Variants in ADK observed in about 807,000 individuals in gnomAD.
The protein encoded by ADK is N6,N6-dimethyladenosine kinase.
ADK carries 24 observed loss-of-function variants against 44.7 expected under a neutral mutation model. The observed-to-expected ratio is 0.54, with a 90% confidence interval of 0.39 to 0.76. The LOEUF (loss-of-function observed/expected upper bound fraction) is 0.76, where lower values mean the gene tolerates loss of function less well. Among genes scored for constraint, ADK ranks in the 30% least tolerant of loss-of-function variants. ADK has a pLI of 0.00. For synonymous variants in ADK, 128 were observed against 142.6 expected, an observed-to-expected ratio of 0.90 and a Z score of 0.73; for missense variants, 321 against 425.1, an observed-to-expected ratio of 0.76 and a Z score of 2.15.
chr10:74,701,160 G>T (rs1230797847), intron 10 of ADK, among the ~76,000 whole-genome samples: 1 of 152,154 alleles, frequency 6.6e-6, no homozygotes, highest in Non-Finnish European at 1.5e-5. Context: ...TGGGAGCTAG[G>T]TTCTCACTAT....
intron 9 of ADK, among the ~76,000 whole-genome samples, chr10:74,638,332 A>T (rs1354450463): frequency 6.6e-6 from 1 of 152,158 alleles, no homozygotes; most frequent in Admixed American, 6.5e-5. Context: ...AAAGATCAAT[A>T]TCTTACATGC....
At chr10:74,449,746 A>G (rs978236208) in intron 6 of ADK, among the ~76,000 whole-genome samples, 11 of 152,184 alleles carry the variant, frequency 7.2e-5, no homozygotes, top group African/African-American at 2.4e-4. Context: ...AGGCAGGAGT[A>G]TGTGTGGTGA....
chr10:74,508,695 C>G (rs888168095), intron 6 of ADK, among the ~76,000 whole-genome samples: 7 of 152,118 alleles, frequency 4.6e-5, no homozygotes, highest in Non-Finnish European at 1.5e-5. Context: ...TTATCTTCAT[C>G]TGACTTAGGC....
chr10:74,189,067 T>G (rs1333441917), intron 1 of ADK, among the ~76,000 whole-genome samples: 1 of 152,154 alleles, frequency 6.6e-6, no homozygotes, highest in Non-Finnish European at 1.5e-5. Flanking sequence ...TCTTTCATTA[T>G]TATTATTTTT....
chr10:74,680,853 A>G (rs1855579474), intron 10 of ADK, among the ~76,000 whole-genome samples: 1 of 152,182 alleles, frequency 6.6e-6, no homozygotes, highest in African/African-American at 2.4e-5. Context: ...CTTTTAATTT[A>G]TTTTTCATTT....
intron 2 of ADK, among the ~76,000 whole-genome samples, chr10:74,203,739 T>A (rs139544471): frequency 1.3e-5 from 2 of 148,590 alleles, no homozygotes; most frequent in African/African-American, 5.0e-5. Flanking sequence ...GTGTCAGTCC[T>A]CCAACTTTGT....
At chr10:74,271,180 G>T (rs1846415793) in intron 3 of ADK, among the ~76,000 whole-genome samples, 1 of 152,038 alleles carries the variant, frequency 6.6e-6, no homozygotes, top group Non-Finnish European at 1.5e-5. Flanking sequence ...TTAGTATCAA[G>T]TTGTGGGGGT....
chr10:74,253,241 C>T (rs564677439), intron 3 of ADK, among the ~76,000 whole-genome samples: 16 of 152,354 alleles, frequency 1.1e-4, no homozygotes, highest in Middle Eastern at 3.4e-3. Flanking sequence ...AGGGCTACCC[C>T]GTAGGCAGAG....
At chr10:74,471,295 C>T (rs1177926362) in intron 6 of ADK, among the ~76,000 whole-genome samples, 1 of 151,944 alleles carries the variant, frequency 6.6e-6, no homozygotes, top group Non-Finnish European at 1.5e-5. Flanking sequence ...AGGATGGTCT[C>T]GATCTCCTGA....
chr10:74,201,780 C>T (rs1407567863), intron 2 of ADK, among the ~76,000 whole-genome samples: 1 of 151,816 alleles, frequency 6.6e-6, no homozygotes. Flanking sequence ...GGTCATCTTA[C>T]AATGCATCTA....
rs1181747861 is a variant in ADK at position 74,275,692 on chromosome 10, T to C, written c.195-38975T>C. ...TTTCTTCTTTGAGACAGAGTCTCAC[T>C]CTGTCACCCAGGCTGGAGTGCAGTG... On this transcript the variant is annotated intron_variant, in intron 3 of 10. Coordinates refer to ENST00000539909, the MANE Select transcript of ADK (RefSeq NM_006721.4). 2.0e-5 allele frequency among the ~76,000 whole-genome samples: 3 copies of C among 152,296 alleles called. No homozygotes were observed. In the East Asian group the frequency reaches 5.8e-4, roughly 29 times the overall value.
At chr10:74,353,643 T>C (rs1592089400) in intron 4 of ADK, among the ~76,000 whole-genome samples, 1 of 147,480 alleles carries the variant, frequency 6.8e-6, no homozygotes, top group South Asian at 2.2e-4. Context: ...CTGAGGCAGG[T>C]GGATCACAAG....
chr10:74,549,377 C>G (rs1157256381), intron 7 of ADK, among the ~76,000 whole-genome samples: 1 of 152,096 alleles, frequency 6.6e-6, no homozygotes, highest in East Asian at 1.9e-4. Flanking sequence ...ACTTATACAT[C>G]TTTTAAAATC....
chr10:74,574,229 C>T (rs1019904396), intron 7 of ADK, among the ~76,000 whole-genome samples: 11 of 147,898 alleles, frequency 7.4e-5, no homozygotes, highest in African/African-American at 2.5e-4. Flanking sequence ...TACAGTGGTG[C>T]GATCTCAGCT....
chr10:74,156,041 G>A (rs1486457752), intron 1 of ADK, among the ~76,000 whole-genome samples: 1 of 152,174 alleles, frequency 6.6e-6, no homozygotes, highest in East Asian at 1.9e-4. Flanking sequence ...TAGTATGAAT[G>A]CCTTAATAAG....
chr10:74,260,413 G>C (rs1846000342), intron 3 of ADK, among the ~76,000 whole-genome samples: 1 of 152,184 alleles, frequency 6.6e-6, no homozygotes, highest in Non-Finnish European at 1.5e-5. Context: ...GGGACTACAG[G>C]CATGCACCAC....
chr10:74,176,856 G>T (rs1375102306), intron 1 of ADK: 34 of 1,608,308 alleles, frequency 2.1e-5, no homozygotes, highest in Non-Finnish European at 2.9e-5. Context: ...CGTGGCGCTG[G>T]GCAGGAGGGC....
intron 6 of ADK, among the ~76,000 whole-genome samples, chr10:74,453,913 T>G (rs1845856626): frequency 6.6e-6 from 1 of 152,070 alleles, no homozygotes; most frequent in African/African-American, 2.4e-5. Context: ...GCTAAAAAAT[T>G]CAAAAAGCAC....
rs191035824 is a variant in ADK at position 74,435,454 on chromosome 10, A to G, written c.555+36875A>G. On this transcript the variant is annotated intron_variant, in intron 6 of 10. Transcript: ENST00000539909. ...GGTTAGTAAATGGGGAGATATTTTC[A>G]TGCCCAGTTCTATGCTATAACTACT... Among the ~76,000 whole-genome samples, 14 of 152,320 alleles carry G rather than the reference A, an allele frequency of 9.2e-5. No individual in the cohort carries two copies. The East Asian group carries it at 2.5e-3, about 27-fold the overall frequency.
Sources: allele counts gnomAD v4.1 joint callset (sites outside exome capture counted in the v4.1 genomes callset), GRCh38; gene constraint gnomAD v4.1.1; transcripts MANE v1.5; gene names NCBI Gene and HGNC (gene_info 2026-07-23, HGNC 2026-07-21).